Variants in DCX observed in about 807,000 individuals in gnomAD.
DCX encodes the protein doublecortin, also known as neuronal migration protein doublecortin.
Under a neutral mutation model 20.9 loss-of-function variants are expected in DCX, and 4 were observed. That is an observed-to-expected ratio of 0.19 (90% confidence interval 0.09 to 0.44). The LOEUF (loss-of-function observed/expected upper bound fraction) is 0.44. DCX is among the 20% of genes least tolerant of loss of function. The probability of loss-of-function intolerance (pLI) is 0.99; values close to 1 mark genes in which losing one functional copy is unlikely to be tolerated. For synonymous variants in DCX, 103 were observed against 111.4 expected (o/e 0.92, Z 0.47); for missense variants, 133 against 296.9 (o/e 0.45, Z 4.06).
intron 3 of DCX, among the ~76,000 whole-genome samples, chrX:111,357,310 C>A (rs1460968041): frequency 8.9e-6 from 1 of 111,992 alleles, no homozygotes; most frequent in Non-Finnish European, 1.9e-5. Context: ...CAGGATCACA[C>A]TGTCCCCTGA....
At chrX:111,408,690 G>GA (rs1478317243) in intron 2 of DCX, among the ~76,000 whole-genome samples, 4 of 109,873 alleles carry the variant, frequency 3.6e-5, no homozygotes, top group Non-Finnish European at 7.6e-5. Flanking sequence ...AAGAAAGAAA[G>GA]AAAGGAAGGA....
At chrX:111,404,440 C>T (rs1485636181) in intron 2 of DCX, among the ~76,000 whole-genome samples, 1 of 112,279 alleles carries the variant, frequency 8.9e-6, no homozygotes, top group African/African-American at 3.2e-5. Flanking sequence ...AGTAAAGCTG[C>T]TGCTGCCTCT....
At chrX:111,310,634 A>T (rs757490799) in intron 6 of DCX, among the ~76,000 whole-genome samples, 1 of 112,156 alleles carries the variant, frequency 8.9e-6, no homozygotes, top group African/African-American at 3.2e-5. Context: ...TGCTCTAGAA[A>T]ATGATATAAT....
chrX:111,352,821 G>C lies in DCX; in HGVS notation c.706-19668C>G, dbSNP rs186036680. On this transcript the variant is annotated intron_variant, in intron 3 of 6. Transcript: ENST00000636035. Reference sequence around the variant, plus strand: ...CCTCCTGTGACTGTCAGTGAAAGCTGAGGCAGACAGACAGACAGAGAGAGA... The same window carrying C: ...CCTCCTGTGACTGTCAGTGAAAGCTCAGGCAGACAGACAGACAGAGAGAGA... Among the ~76,000 whole-genome samples the C allele has an allele frequency of 1.1e-4, 11 of 99,477 alleles. No individual in the cohort carries two copies. The East Asian group carries it at 3.3e-3, about 30-fold the overall frequency. The allele number at this position is 99,477 out of a possible 115,157, so 86.4% of individuals were successfully genotyped here.
chrX:111,309,054 G>A (rs1164481208), intron 6 of DCX, among the ~76,000 whole-genome samples: 1 of 111,562 alleles, frequency 9.0e-6, no homozygotes, highest in Non-Finnish European at 1.9e-5. Context: ...ATGGCTGTGC[G>A]ATAGAAAAAA....
intron 3 of DCX, among the ~76,000 whole-genome samples, chrX:111,346,476 C>T (rs190258993): frequency 1.1e-3 from 123 of 112,084 alleles, no homozygotes; most frequent in Non-Finnish European, 5.6e-4. Context: ...TGTGTGATTC[C>T]ACTTGTATGA....
At chrX:111,307,578 T>A (rs1218849451) in intron 6 of DCX, among the ~76,000 whole-genome samples, 1 of 111,631 alleles carries the variant, frequency 9.0e-6, no homozygotes, top group Non-Finnish European at 1.9e-5. Flanking sequence ...TGCTTCTAGA[T>A]CTTAAAATTG....
rs1928680977 is a variant in DCX at position 111,411,118 on chromosome X, G to A, written c.-22-698C>T. 10 of 496,099 alleles carry A rather than the reference G, an allele frequency of 2.0e-5. No individual in the cohort carries two copies. In the South Asian group the frequency reaches 2.2e-4, roughly 11 times the overall value. The allele number at this position is 496,099 out of a possible 1,213,427, so 40.9% of individuals were successfully genotyped here. On this transcript the variant is annotated intron_variant, in intron 1 of 6. Coordinates refer to ENST00000636035, the MANE Select transcript of DCX (RefSeq NM_001195553.2). ...CAAACCCTTTCCCCACCAAGCTGGT[G>A]CAGCTATCCGACATTCATAAGAAAT...
At position 111,297,289 on chromosome X, in the gene DCX, G is replaced by A. The variant is rs1425953390; in HGVS notation, c.*4398C>T. On this transcript the variant is annotated 3_prime_UTR_variant, in exon 7 of 7. Coordinates refer to ENST00000636035, the MANE Select transcript of DCX (RefSeq NM_001195553.2). ...CTTGGCACAGACGTTTCTGAGGTGGGGTGATCTTTGGGATCATTCCCATCA... is the reference window on the plus strand; with the variant it reads ...CTTGGCACAGACGTTTCTGAGGTGGAGTGATCTTTGGGATCATTCCCATCA... 1 of 112,092 alleles carries A rather than the reference G, an allele frequency of 8.9e-6. No homozygotes were observed. Among genetic ancestry groups the A allele is most frequent in the Non-Finnish European group, 1.9e-5 (1 of 53,195 alleles). 9.2% of individuals were successfully genotyped at this position (112,092 alleles called of 1,213,427 possible).
chrX:111,395,880 G>A (rs780522897), intron 3 of DCX, among the ~76,000 whole-genome samples: 16 of 112,155 alleles, frequency 1.4e-4, no homozygotes, highest in South Asian at 3.7e-4. Context: ...TGAGAGAGCC[G>A]GAGGCCAGGG....
intron 4 of DCX, 79 bp from the exon 5 acceptor site, chrX:111,331,120 A>G: frequency 6.3e-6 from 7 of 1,110,664 alleles, no homozygotes; most frequent in Non-Finnish European, 8.7e-6. Context: ...AACCGCAATA[A>G]CCATCACAGG....
chrX:111,347,381 G>A (rs181170402), intron 3 of DCX, among the ~76,000 whole-genome samples: 17 of 111,116 alleles, frequency 1.5e-4, no homozygotes, highest in African/African-American at 5.6e-4. Context: ...TTGAGTGCCT[G>A]GATCATTATA....
At chrX:111,305,997 T>C (rs1441488378) in intron 6 of DCX, among the ~76,000 whole-genome samples, 1 of 111,096 alleles carries the variant, frequency 9.0e-6, no homozygotes, top group Non-Finnish European at 1.9e-5. Flanking sequence ...ATTTAACACA[T>C]AAAAGGCAAG....
At chrX:111,331,202 G>A (rs1376302757) in intron 4 of DCX, among the ~76,000 whole-genome samples, 161 bp from the exon 5 acceptor site, 1 of 111,554 alleles carries the variant, frequency 9.0e-6, no homozygotes, top group Non-Finnish European at 1.9e-5. Flanking sequence ...TCTGGGGAGG[G>A]AGGCATTAGG....
At chrX:111,390,952 G>A (rs1371688208) in intron 3 of DCX, among the ~76,000 whole-genome samples, 1 of 105,681 alleles carries the variant, frequency 9.5e-6, no homozygotes, top group African/African-American at 3.5e-5. Context: ...CTTGCAGTGA[G>A]CCAAAATCAT....
rs188082869 is a variant in DCX, at chrX:111,322,852, G to A, written c.946+8052C>T. The stretch of plus-strand genomic sequence containing the variant: ...ACTGTAACTTCAGAAGATGGAATTT[G>A]AATTTTAAATATATTTCCTACGGAA... On this transcript the variant is annotated intron_variant, in intron 5 of 6. Coordinates refer to ENST00000636035, the MANE Select transcript of DCX (RefSeq NM_001195553.2). Among the ~76,000 whole-genome samples, 406 of 112,361 alleles carry A rather than the reference G, an allele frequency of 3.6e-3. 3 individuals carry two copies. Among genetic ancestry groups the A allele is most frequent in the African/African-American group, 0.012 (387 of 30,975 alleles).
intron 3 of DCX, among the ~76,000 whole-genome samples, chrX:111,341,016 G>T (rs1922177411): frequency 9.0e-6 from 1 of 110,612 alleles, no homozygotes; most frequent in Non-Finnish European, 1.9e-5. Flanking sequence ...TTAGAAGGAG[G>T]GTAAGACTGA....
intron 3 of DCX, among the ~76,000 whole-genome samples, chrX:111,381,651 A>T (rs1001008364): frequency 9.0e-6 from 1 of 110,935 alleles, no homozygotes; most frequent in Non-Finnish European, 1.9e-5. Context: ...GTCCAAGCAG[A>T]ATATGTCATT....
At chrX:111,375,867 C>G (rs1280042125) in intron 3 of DCX, among the ~76,000 whole-genome samples, 1 of 112,214 alleles carries the variant, frequency 8.9e-6, no homozygotes, top group Non-Finnish European at 1.9e-5. Context: ...ACTACCACAA[C>G]AATCCAGCTT....
Sources: gnomAD v4.1 joint callset for allele counts (sites outside exome capture counted in the v4.1 genomes callset) on GRCh38, gnomAD v4.1.1 for gene constraint, MANE v1.5 for transcripts, NCBI Gene and HGNC (gene_info 2026-07-23, HGNC 2026-07-21) for gene names.